Variants in PPM1H observed in about 807,000 individuals in gnomAD.
The protein encoded by PPM1H is protein phosphatase 1H.
PPM1H carries 27 observed loss-of-function variants against 54.9 expected under a neutral mutation model. That is an observed-to-expected ratio of 0.49 (90% CI 0.36 to 0.68). PPM1H has a LOEUF of 0.68. Among genes scored for constraint, PPM1H ranks in the 30% least tolerant of loss-of-function variants. The probability of loss-of-function intolerance (pLI) is 0.00; values close to 1 mark genes in which losing one functional copy is unlikely to be tolerated. For missense variants in PPM1H, 596 were observed against 667.8 expected, an observed-to-expected ratio of 0.89 and a Z score of 1.19; for synonymous variants, 305 against 270.8, an observed-to-expected ratio of 1.13 and a Z score of -1.24.
At chr12:62,779,347 T>G (rs1195620304) in intron 4 of PPM1H, among the ~76,000 whole-genome samples, 2 of 152,162 alleles carry the variant, frequency 1.3e-5, no homozygotes, top group Non-Finnish European at 2.9e-5. Flanking sequence ...GCACAGGGCC[T>G]CAAACATAAT....
At chr12:62,817,921 A>T (rs796345273) in intron 2 of PPM1H, among the ~76,000 whole-genome samples, 3 of 152,334 alleles carry the variant, frequency 2.0e-5, no homozygotes, top group African/African-American at 7.2e-5. Context: ...TGACACAGCC[A>T]TCTCCTGTTA....
At chr12:62,815,733 A>G (rs1046371275) in intron 2 of PPM1H, among the ~76,000 whole-genome samples, 3 of 152,188 alleles carry the variant, frequency 2.0e-5, no homozygotes, top group Non-Finnish European at 4.4e-5. Context: ...TAACCAATTT[A>G]CAGATGGGAA....
intron 8 of PPM1H, among the ~76,000 whole-genome samples, chr12:62,669,610 C>A (rs1466266333): frequency 6.6e-6 from 1 of 152,124 alleles, no homozygotes; most frequent in African/African-American, 2.4e-5. Flanking sequence ...GTAAATGTCA[C>A]CCCTGGGCTC....
At chr12:62,790,094 T>A (rs551834887) in intron 3 of PPM1H, among the ~76,000 whole-genome samples, 1 of 152,120 alleles carries the variant, frequency 6.6e-6, no homozygotes, top group African/African-American at 2.4e-5. Context: ...ATCCTGAGAA[T>A]CCCACAGAGT....
At chr12:62,693,894 A>C in intron 7 of PPM1H, 42 bp downstream of exon 7, 1 of 1,571,860 alleles carries the variant, frequency 6.4e-7, no homozygotes, top group Non-Finnish European at 8.7e-7. Context: ...AAGGCGGGAC[A>C]GAGCCCTGTC....
At chr12:62,843,572 CTA>C (rs1565806857) in intron 1 of PPM1H, among the ~76,000 whole-genome samples, 2 of 152,148 alleles carry the variant, frequency 1.3e-5, no homozygotes, top group African/African-American at 4.8e-5. Flanking sequence ...GCACAACAGA[CTA>C]TAAATAAAAC....
At chr12:62,926,683 G>T (rs1427775874) in intron 1 of PPM1H, among the ~76,000 whole-genome samples, 1 of 152,124 alleles carries the variant, frequency 6.6e-6, no homozygotes, top group South Asian at 2.1e-4. Flanking sequence ...GGTCAGGTGC[G>T]GTGGCTCACT....
chr12:62,651,488 G>A (rs1166860277), intron 9 of PPM1H, among the ~76,000 whole-genome samples: 1 of 152,108 alleles, frequency 6.6e-6, no homozygotes, highest in Non-Finnish European at 1.5e-5. Flanking sequence ...TTTTTTAAAT[G>A]GTCAAAATTA....
chr12:62,833,419 T>G (rs1054570189), intron 1 of PPM1H, among the ~76,000 whole-genome samples: 4 of 151,854 alleles, frequency 2.6e-5, no homozygotes, highest in Admixed American at 1.3e-4. Context: ...TAGTACAGAG[T>G]CCCATGTAGC....
chr12:62,849,796 C>T (rs990513862), intron 1 of PPM1H, among the ~76,000 whole-genome samples: 1 of 152,172 alleles, frequency 6.6e-6, no homozygotes, highest in African/African-American at 2.4e-5. Context: ...CACTTGTCTG[C>T]TTCCTTTTTA....
intron 1 of PPM1H, among the ~76,000 whole-genome samples, chr12:62,884,634 A>G (rs1242542390): frequency 6.6e-6 from 1 of 152,198 alleles, no homozygotes; most frequent in African/African-American, 2.4e-5. Flanking sequence ...AAGACAAGAC[A>G]GTGGAAAAGC....
At chr12:62,708,950 T>C (rs1048010802) in intron 6 of PPM1H, among the ~76,000 whole-genome samples, 1 of 152,198 alleles carries the variant, frequency 6.6e-6, no homozygotes, top group South Asian at 2.1e-4. Context: ...TGTGTAATTT[T>C]CATACGTCAT....
At chr12:62,669,969 CTTTTTT>C (rs1161094944) in intron 8 of PPM1H, among the ~76,000 whole-genome samples, 36 of 46,428 alleles carry the variant, frequency 7.8e-4, no homozygotes, top group African/African-American at 3.5e-3. Flanking sequence ...GGATTGATTC[CTTTTTT>C]TTTTTTTTTT....
intron 1 of PPM1H, among the ~76,000 whole-genome samples, chr12:62,872,534 G>T (rs1434596473): frequency 2.6e-5 from 4 of 152,152 alleles, no homozygotes. Flanking sequence ...TACTCAGATG[G>T]TGTTAGCTAG....
chr12:62,781,475 G>A (rs1313530480), intron 4 of PPM1H, among the ~76,000 whole-genome samples: 1 of 151,926 alleles, frequency 6.6e-6, no homozygotes. Flanking sequence ...TTGGCCCTCA[G>A]GCCAGGAACA....
rs767806980 is a variant in PPM1H at position 62,802,082 on chromosome 12, G to A, written c.490C>T (p.Arg164Cys). ...TCCGTGATGTGGTGCTGCAGCAGGC[G>A]TGACGCCACCACCGCGGCCCCGGAC... ...AGSGAAVVAS[R>C]LLQHHITEQL... is the part of the protein sequence containing the mutation. Residue 164 changes from arginine to cysteine, a missense_variant, in exon 3 of 10, where the codon CGC becomes TGC. By Grantham distance (180) the Arg-to-Cys change is radical. Coordinates refer to ENST00000228705, the MANE Select transcript of PPM1H (RefSeq NM_020700.2). 6.2e-7 allele frequency: 1 copy of A among 1,612,072 alleles called. No individual in the cohort carries two copies. Among genetic ancestry groups the A allele is most frequent in the Non-Finnish European group, 8.5e-7 (1 of 1,179,100 alleles).
At chr12:62,739,477 A>G (rs2076370181) in intron 4 of PPM1H, among the ~76,000 whole-genome samples, 1 of 152,228 alleles carries the variant, frequency 6.6e-6, no homozygotes, top group Non-Finnish European at 1.5e-5. Flanking sequence ...GGGGAGCTGG[A>G]GTGAAAGTTA....
At chr12:62,672,906 C>T (rs1379542889) in intron 8 of PPM1H, among the ~76,000 whole-genome samples, 1 of 152,154 alleles carries the variant, frequency 6.6e-6, no homozygotes, top group East Asian at 1.9e-4. Flanking sequence ...GACATACTTG[C>T]TGAGGCAAAG....
chr12:62,755,225 C>T (rs1002346064), intron 4 of PPM1H: 101 of 690,634 alleles, frequency 1.5e-4, no homozygotes, highest in East Asian at 1.3e-3. Flanking sequence ...TGAGACACTA[C>T]GGTGAAGGTG....
Sources: allele counts gnomAD v4.1 joint callset (sites outside exome capture counted in the v4.1 genomes callset), GRCh38; gene constraint gnomAD v4.1.1; transcripts MANE v1.5; gene names NCBI Gene and HGNC (gene_info 2026-07-23, HGNC 2026-07-21).